RBM26: variants seen among roughly 807,000 people sequenced by gnomAD.
The protein encoded by RBM26 is RNA-binding protein 26.
In RBM26, 30 loss-of-function variants were observed where a neutral mutation model predicts 123.6. The observed-to-expected ratio is 0.24, with a 90% CI of 0.18 to 0.33. The LOEUF is 0.33. RBM26 is among the 10% of genes least tolerant of loss of function. The pLI, the probability that RBM26 is intolerant of heterozygous loss-of-function variation, is 1.00. For synonymous variants in RBM26, 400 were observed against 404.4 expected (o/e 0.99, Z 0.13); for missense variants, 947 against 1,203.6 (o/e 0.79, Z 3.15).
chr13:79,337,059 T>C (rs760108451), intron 19 of RBM26, 43 bp downstream of exon 19: 12 of 1,555,520 alleles, frequency 7.7e-6, no homozygotes, highest in African/African-American at 1.4e-5. Context: ...CTATCCCCAA[T>C]GATGATTATC....
chr13:79,393,939 G>A (rs574839616), intron 1 of RBM26, among the ~76,000 whole-genome samples: 67 of 152,252 alleles, frequency 4.4e-4, no homozygotes, highest in Middle Eastern at 6.8e-3. Flanking sequence ...CTTTGTGCAC[G>A]TGCTGGACTG....
At position 79,319,904 on chromosome 13, in the gene RBM26, T is replaced by C; in HGVS notation, c.*717A>G. On this transcript the variant is annotated 3_prime_UTR_variant, in exon 22 of 22. Transcript: ENST00000438737. ...GGTCTATTTTAATTTTTTTCTTTTC[T>C]TTTTTCTTTTCTTTTTTTTTTTAAA... 1 of 954,316 alleles carries C rather than the reference T, an allele frequency of 1.0e-6. No individual in the cohort carries two copies. Among genetic ancestry groups the C allele is most frequent in the Non-Finnish European group, 1.2e-6 (1 of 803,612 alleles). 59.1% of individuals were successfully genotyped at this position (954,316 alleles called of 1,614,324 possible).
At chr13:79,332,517 C>T (rs190766422) in intron 20 of RBM26, among the ~76,000 whole-genome samples, 1 of 152,228 alleles carries the variant, frequency 6.6e-6, no homozygotes, top group East Asian at 1.9e-4. Flanking sequence ...AACTTTCTGG[C>T]TTAAGGATAT....
chr13:79,375,081 T>TATATATATATATTTATATATC (rs1555332794), intron 3 of RBM26, among the ~76,000 whole-genome samples: 8 of 104,368 alleles, frequency 7.7e-5, no homozygotes, highest in South Asian at 3.3e-4. Context: ...TTATATGATA[T>TATATATATATATTTATATATC]ATATAAATAT....
At position 79,344,826 on chromosome 13, in the gene RBM26, A is replaced by G. The variant is rs17071288; in HGVS notation, c.2059-32T>C. 8.2e-4 allele frequency: 1,310 copies of G among 1,602,350 alleles called. 7 individuals carry two copies. In the African/African-American group the frequency reaches 9.0e-3, roughly 11 times the overall value. ...ATACAAATTCAACTTTTAAAAATAT[A>G]TATCAGCCGTTCATGATATCCTATT... On this transcript the variant is annotated intron_variant, in intron 14 of 21. Coordinates refer to ENST00000438737, the MANE Select transcript of RBM26 (RefSeq NM_001366735.2).
chr13:79,380,857 A>G (rs141238478), intron 1 of RBM26, among the ~76,000 whole-genome samples: 66 of 152,190 alleles, frequency 4.3e-4, no homozygotes, highest in African/African-American at 1.6e-3. Context: ...CCCATATATG[A>G]GTGGTAACAT....
chr13:79,404,518 G>A (rs181044355), intron 1 of RBM26, among the ~76,000 whole-genome samples: 13 of 152,232 alleles, frequency 8.5e-5, no homozygotes, highest in Admixed American at 4.6e-4. Context: ...TACATGATGT[G>A]GCCCCTACCT....
At chr13:79,391,418 A>C (rs1378654359) in intron 1 of RBM26, among the ~76,000 whole-genome samples, 1 of 152,144 alleles carries the variant, frequency 6.6e-6, no homozygotes, top group Non-Finnish European at 1.5e-5. Flanking sequence ...AAAATGAAGC[A>C]TTTCTTTTTG....
chr13:79,367,562 T>G (rs1019891635), intron 6 of RBM26, among the ~76,000 whole-genome samples: 4 of 151,878 alleles, frequency 2.6e-5, no homozygotes, highest in African/African-American at 7.3e-5. Context: ...ACAAGTGAGT[T>G]CGCCCTCTAT....
intron 20 of RBM26, among the ~76,000 whole-genome samples, chr13:79,323,435 C>T (rs924566249): frequency 3.3e-5 from 5 of 151,564 alleles, no homozygotes; most frequent in African/African-American, 2.4e-5. Context: ...TCAAATGCTG[C>T]TCAGAGAATT....
chr13:79,337,372 G>A, intron 18 of RBM26, 70 bp from the exon 19 acceptor site: 1 of 1,533,152 alleles, frequency 6.5e-7, no homozygotes, highest in Non-Finnish European at 9.0e-7. Flanking sequence ...TTACACTCTG[G>A]CAGATGAATA....
chr13:79,357,760 T>C (rs570066045), intron 11 of RBM26, among the ~76,000 whole-genome samples: 32 of 152,330 alleles, frequency 2.1e-4, no homozygotes, highest in African/African-American at 3.4e-4. Flanking sequence ...TGTAGTTTTA[T>C]GACAACCTTT....
intron 6 of RBM26, 129 bp from the exon 7 acceptor site, chr13:79,367,001 T>A (rs2075325590): frequency 5.4e-6 from 4 of 745,680 alleles, no homozygotes; most frequent in Non-Finnish European, 2.0e-6. Context: ...TAATTAACCA[T>A]TTCCCAAGAG....
intron 20 of RBM26, among the ~76,000 whole-genome samples, chr13:79,325,012 GATTTTAATAA>G: frequency 6.6e-6 from 1 of 151,954 alleles, no homozygotes; most frequent in Non-Finnish European, 1.5e-5. Context: ...GGTCCCCTAA[GATTTTAATAA>G]ACCTGAAAAA....
intron 1 of RBM26, among the ~76,000 whole-genome samples, chr13:79,384,868 G>A (rs756161001): frequency 5.3e-5 from 8 of 152,110 alleles, no homozygotes; most frequent in South Asian, 2.1e-4. Flanking sequence ...TAATGAGACC[G>A]TAAAGAAAGC....
chr13:79,342,759 C>T lies in RBM26; in HGVS notation c.2332G>A (p.Glu778Lys). The T allele has an allele frequency of 6.2e-7, 1 of 1,610,652 alleles. No individual in the cohort carries two copies. The highest frequency in any genetic ancestry group is 2.2e-5 in the East Asian group (1 of 44,754). ...EDKAEIMKTL[E>K]VLTKNITKLK... ...TTGGTAATATTTTTTGTCAAAACCT[C>T]TAAAGTTTTCATTATTTCTGCTTTA... The change falls in exon 17 of 22, where the codon GAG (glutamate) becomes AAG (lysine). Residue 778 changes from glutamate to lysine, a missense_variant. Coordinates refer to ENST00000438737, the MANE Select transcript of RBM26 (RefSeq NM_001366735.2).
rs1325074651 is a variant in RBM26 at position 79,355,399 on chromosome 13, A to G, written c.1690-15T>C. On this transcript the variant is annotated splice_polypyrimidine_tract_variant and intron_variant, in intron 11 of 21. Coordinates refer to ENST00000438737, the MANE Select transcript of RBM26 (RefSeq NM_001366735.2). ...TTATAAGCAACCTAAGATTTAAAAT[A>G]TTAAGAACAGTGAATTTCCAAAGGA... is the stretch of plus-strand genomic sequence containing the variant. The G allele has an allele frequency of 1.2e-6, 2 of 1,605,034 alleles. No individual in the cohort carries two copies. Among genetic ancestry groups the G allele is most frequent in the Non-Finnish European group, 1.7e-6 (2 of 1,174,394 alleles).
chr13:79,371,028 C>G lies in RBM26; in HGVS notation c.551G>C (p.Ser184Thr), dbSNP rs1257472645. The G allele has an allele frequency of 1.2e-5, 19 of 1,612,120 alleles. No homozygotes were observed. Among genetic ancestry groups the G allele is most frequent in the Non-Finnish European group, 1.6e-5 (19 of 1,178,112 alleles). The change falls in exon 5 of 22, where the codon AGT (serine) becomes ACT (threonine). Residue 184 changes from serine to threonine, a missense_variant. Transcript: ENST00000438737. Reference sequence around the variant, plus strand: ...AAGCCTCTCTTTACTCCAACTTCGACTTCGACTCCTGCTATAACTGCGACT... The same window carrying G: ...AAGCCTCTCTTTACTCCAACTTCGAGTTCGACTCCTGCTATAACTGCGACT... ...GRSRSYSRSR[S>T]RSWSKERLRE...
Position 79,319,543 on chromosome 13 carries a change from G to A in RBM26, c.*1078C>T. 2 of 983,464 alleles carry A rather than the reference G, an allele frequency of 2.0e-6. No individual in the cohort carries two copies. Among genetic ancestry groups the A allele is most frequent in the Non-Finnish European group, 2.4e-6 (2 of 828,412 alleles). 60.9% of individuals were successfully genotyped at this position (983,464 alleles called of 1,614,324 possible). On this transcript the variant is annotated 3_prime_UTR_variant, in exon 22 of 22. Coordinates refer to ENST00000438737, the MANE Select transcript of RBM26 (RefSeq NM_001366735.2). ...CAGACTGGAACACTTACCAAACAGT[G>A]TTTTCCTAAAGTAGTATCTATAGTA... is the stretch of plus-strand genomic sequence containing the variant.
Sources: allele counts gnomAD v4.1 joint callset (sites outside exome capture counted in the v4.1 genomes callset), GRCh38; gene constraint gnomAD v4.1.1; transcripts MANE v1.5; gene names NCBI Gene and HGNC (gene_info 2026-07-23, HGNC 2026-07-21).